The following GSG1L variants were observed in gnomAD, a reference collection of about 807,000 sequenced individuals.
GSG1L encodes the protein germ cell-specific gene 1-like protein.
GSG1L carries 24 observed loss-of-function variants against 42.1 expected under a neutral mutation model. The ratio of observed to expected loss-of-function variants is 0.57; its 90% CI spans 0.41 to 0.80. The LOEUF (loss-of-function observed/expected upper bound fraction) is 0.80, where lower values mean the gene tolerates loss of function less well. Among genes scored for constraint, GSG1L ranks in the 30% least tolerant of loss-of-function variants. GSG1L has a pLI of 0.00. For missense variants in GSG1L, 445 were observed against 472.2 expected (o/e 0.94, Z 0.53); for synonymous variants, 215 against 203.5 (o/e 1.06, Z -0.48).
At chr16:28,053,185 A>T (rs1371768263) in intron 1 of GSG1L, among the ~76,000 whole-genome samples, 1 of 152,250 alleles carries the variant, frequency 6.6e-6, no homozygotes, top group Non-Finnish European at 1.5e-5. Context: ...CAGAAGCCCC[A>T]CAAATGTGTC....
intron 3 of GSG1L, among the ~76,000 whole-genome samples, chr16:27,871,170 T>G (rs1039949152): frequency 6.6e-6 from 1 of 152,070 alleles, no homozygotes; most frequent in African/African-American, 2.4e-5. Flanking sequence ...AATTCCGAGT[T>G]GTCGTGACTT....
chr16:27,828,685 A>G, intron 5 of GSG1L, 104 bp downstream of exon 5: 1 of 1,107,434 alleles, frequency 9.0e-7, no homozygotes, highest in Non-Finnish European at 1.3e-6. Context: ...CCCCTCTGTC[A>G]TACCATTCAT....
chr16:28,040,639 C>T lies in GSG1L; in HGVS notation c.349+22437G>A, dbSNP rs1369299731. On this transcript the variant is annotated intron_variant, in intron 1 of 6. Coordinates refer to ENST00000447459, the MANE Select transcript of GSG1L (RefSeq NM_001109763.2). This position sits in a 1 kb window ranked among gnomAD's most constrained non-coding sequence, Gnocchi z 4.1. ...GCCCTTCCAGCAACCTAAGAAGAGA[C>T]CCGCAGGACATGAAGATGCTCTCAG... is the stretch of plus-strand genomic sequence containing the variant. Among the ~76,000 whole-genome samples the T allele has an allele frequency of 6.6e-6, 1 of 152,180 alleles. No homozygotes were observed. Among genetic ancestry groups the T allele is most frequent in the Non-Finnish European group, 1.5e-5 (1 of 68,032 alleles).
intron 2 of GSG1L, among the ~76,000 whole-genome samples, chr16:27,917,344 A>G (rs1273816633): frequency 6.6e-6 from 1 of 151,798 alleles, no homozygotes; most frequent in Admixed American, 6.6e-5. Context: ...CTCTACAATC[A>G]AGAAAGTGCT....
In GSG1L at chr16:27,884,297, T is replaced by C. The variant is rs77054323; in HGVS notation, c.550+189A>G. On this transcript the variant is annotated intron_variant, in intron 3 of 6. Transcript: ENST00000447459. The surrounding 1 kb of genome is among the most constrained non-coding windows in gnomAD (Gnocchi z 4.4). The stretch of plus-strand genomic sequence containing the variant: ...ATTACTATAGCCTTAGTACCTGGTC[T>C]GGTGCTTAGCATGTATTAGATGCTC... Among the ~76,000 whole-genome samples, 24,423 of 152,142 alleles carry C rather than the reference T, an allele frequency of 0.16. 3,118 individuals carry two copies. Among genetic ancestry groups the C allele is most frequent in the African/African-American group, 0.32 (13,399 of 41,418 alleles).
intron 5 of GSG1L, among the ~76,000 whole-genome samples, chr16:27,823,038 C>T (rs2083166636): frequency 6.6e-6 from 1 of 152,208 alleles, no homozygotes; most frequent in African/African-American, 2.4e-5. Context: ...TCCAATCCAA[C>T]AGGTCTGATT....
intron 3 of GSG1L, among the ~76,000 whole-genome samples, chr16:27,851,579 G>A (rs572434334): frequency 1.3e-5 from 2 of 152,146 alleles, no homozygotes; most frequent in African/African-American, 2.4e-5. Flanking sequence ...GGAAGTGGGG[G>A]TTGAGGAGCG....
chr16:27,926,318 G>A (rs1056712586), intron 2 of GSG1L, among the ~76,000 whole-genome samples: 1 of 152,132 alleles, frequency 6.6e-6, no homozygotes. Context: ...AAGTAGTCCT[G>A]GTCCCTGCCG....
At chr16:28,000,934 T>G (rs1170786993) in intron 1 of GSG1L, among the ~76,000 whole-genome samples, 1 of 152,164 alleles carries the variant, frequency 6.6e-6, no homozygotes, top group African/African-American at 2.4e-5. Flanking sequence ...TCCTTGCCTG[T>G]TCCTCATCTT....
intron 1 of GSG1L, among the ~76,000 whole-genome samples, chr16:27,972,126 A>G (rs1197936703): frequency 6.6e-6 from 1 of 152,246 alleles, no homozygotes; most frequent in Non-Finnish European, 1.5e-5. Flanking sequence ...GAAATCTCCT[A>G]GGAATATACC....
intron 2 of GSG1L, among the ~76,000 whole-genome samples, chr16:27,953,865 C>G (rs1054825121): frequency 2.0e-5 from 3 of 152,204 alleles, no homozygotes; most frequent in African/African-American, 7.2e-5. Flanking sequence ...GGTGACAGAG[C>G]AAGACTCCAT....
At chr16:27,801,742 G>A (rs1318383073) in intron 6 of GSG1L, among the ~76,000 whole-genome samples, 1 of 152,200 alleles carries the variant, frequency 6.6e-6, no homozygotes, top group East Asian at 1.9e-4. Flanking sequence ...TAGCGGTCCA[G>A]GGTGTGGGTG....
intron 1 of GSG1L, among the ~76,000 whole-genome samples, chr16:28,027,633 G>C (rs1229721669): frequency 6.6e-6 from 1 of 152,154 alleles, no homozygotes; most frequent in Admixed American, 6.5e-5. Context: ...GGGCACCTGT[G>C]TTCAGGTGAA....
At chr16:27,894,529 C>T (rs983740511) in intron 2 of GSG1L, among the ~76,000 whole-genome samples, 34 of 152,162 alleles carry the variant, frequency 2.2e-4, no homozygotes, top group Admixed American at 1.8e-3. Context: ...GCGCAGTGGC[C>T]GCTGGCTGTG....
At chr16:27,799,894 C>T (rs1270655075) in intron 6 of GSG1L, among the ~76,000 whole-genome samples, 2 of 152,146 alleles carry the variant, frequency 1.3e-5, no homozygotes, top group East Asian at 3.9e-4. Context: ...TTCAAAGGGA[C>T]AGGTATTGGC....
At chr16:28,033,811 G>T (rs1219496285) in intron 1 of GSG1L, among the ~76,000 whole-genome samples, 6 of 152,204 alleles carry the variant, frequency 3.9e-5, no homozygotes, top group Non-Finnish European at 7.3e-5. Flanking sequence ...TGGAAATTCA[G>T]AGAAATGTTT....
intron 1 of GSG1L, among the ~76,000 whole-genome samples, chr16:28,017,128 A>C (rs1253294329): frequency 1.3e-5 from 2 of 152,234 alleles, no homozygotes; most frequent in Non-Finnish European, 2.9e-5. Flanking sequence ...GAAACTCCAA[A>C]ATCAGTTGAA....
chr16:27,972,569 CTCAA>C (rs1160354149), intron 1 of GSG1L, among the ~76,000 whole-genome samples: 1 of 152,210 alleles, frequency 6.6e-6, no homozygotes, highest in Non-Finnish European at 1.5e-5. Context: ...GCACTTGTCT[CTCAA>C]TCACACTTCA....
chr16:27,949,498 T>C (rs2084927266), intron 2 of GSG1L, among the ~76,000 whole-genome samples: 1 of 152,198 alleles, frequency 6.6e-6, no homozygotes, highest in Non-Finnish European at 1.5e-5. Context: ...CGCAAGCCTA[T>C]AGTCCCAGCT....
Sources: allele counts gnomAD v4.1 joint callset (sites outside exome capture counted in the v4.1 genomes callset), GRCh38; gene constraint gnomAD v4.1.1; non-coding constraint Gnocchi (gnomAD v3.1); transcripts MANE v1.5; gene names NCBI Gene and HGNC (gene_info 2026-07-23, HGNC 2026-07-21).